Variants in FDX1 observed in about 807,000 individuals in gnomAD.
FDX1 encodes the protein adrenodoxin, mitochondrial.
A neutral mutation model predicts 14.9 loss-of-function variants in FDX1; 9 were observed. The ratio of observed to expected loss-of-function variants is 0.60; its 90% CI spans 0.36 to 1.05. The LOEUF is 1.05. FDX1 is among the 50% of genes least tolerant of loss of function. The pLI, the probability that FDX1 is intolerant of heterozygous loss-of-function variation, is 0.01. For synonymous variants in FDX1, 92 were observed against 99.4 expected (o/e 0.93, Z 0.44); for missense variants, 204 against 237.2 (o/e 0.86, Z 0.92).
At chr11:110,452,418 T>G (rs1287517387) in intron 2 of FDX1, among the ~76,000 whole-genome samples, 1 of 151,768 alleles carries the variant, frequency 6.6e-6, no homozygotes, top group East Asian at 1.9e-4. Context: ...ATTAAAAAAA[T>G]GGGCAAAAGA....
chr11:110,440,897 G>C (rs1186903243), intron 2 of FDX1, among the ~76,000 whole-genome samples: 2 of 152,188 alleles, frequency 1.3e-5, no homozygotes, highest in Non-Finnish European at 2.9e-5. Flanking sequence ...CAATACTGGT[G>C]GTCTGGCTGT....
intron 2 of FDX1, among the ~76,000 whole-genome samples, chr11:110,453,290 A>G (rs1946498274): frequency 6.6e-6 from 1 of 152,162 alleles, no homozygotes; most frequent in Non-Finnish European, 1.5e-5. Flanking sequence ...GTGAGCCGAG[A>G]TCGCACCATT....
intron 2 of FDX1, among the ~76,000 whole-genome samples, chr11:110,445,776 A>G (rs943918265): frequency 6.6e-6 from 1 of 152,320 alleles, no homozygotes; most frequent in African/African-American, 2.4e-5. Context: ...TAATATTAAT[A>G]TCTACCTCAT....
intron 2 of FDX1, among the ~76,000 whole-genome samples, chr11:110,444,239 AAGGT>A: frequency 6.6e-6 from 1 of 152,094 alleles, no homozygotes; most frequent in East Asian, 1.9e-4. Context: ...TGTATGGTGA[AAGGT>A]AGGGAGTCCA....
intron 1 of FDX1, among the ~76,000 whole-genome samples, chr11:110,433,849 G>A (rs1287684367): frequency 6.6e-6 from 1 of 152,112 alleles, no homozygotes; most frequent in Non-Finnish European, 1.5e-5. Context: ...TGCCTCATTT[G>A]TGAAATGGGA....
At position 110,430,036 on chromosome 11, in the gene FDX1, G is replaced by C. The variant is rs1213892340; in HGVS notation, c.-85G>C. On this transcript the variant is annotated 5_prime_UTR_variant, in exon 1 of 4. Transcript: ENST00000260270. ...GCCGCGGCCCTCGGGCGTCTGCGCC[G>C]CAGCTGCCGCCCCCGCCTCTTTGGA... The C allele has an allele frequency of 9.8e-7, 1 of 1,019,280 alleles. No individual in the cohort carries two copies. The highest frequency in any genetic ancestry group is 5.0e-5 in the South Asian group (1 of 20,148). 63.1% of individuals were successfully genotyped at this position (1,019,280 alleles called of 1,614,324 possible).
chr11:110,436,037 A>G (rs771424853), intron 2 of FDX1, 79 bp downstream of exon 2: 4 of 1,110,966 alleles, frequency 3.6e-6, no homozygotes, highest in Non-Finnish European at 5.3e-6. Flanking sequence ...TTTTTTTTTG[A>G]AGAAGTTTAA....
At position 110,435,965 on chromosome 11, in the gene FDX1, A is replaced by G. The variant is rs771019824; in HGVS notation, c.310+7A>G. ...CTAGATATTGATGGCTTTGGTGAGT[A>G]TGAAACATTTCTTAAAATGCATAAG... is the stretch of plus-strand genomic sequence containing the variant. On this transcript the variant is annotated splice_region_variant and intron_variant, in intron 2 of 3. Coordinates refer to ENST00000260270, the MANE Select transcript of FDX1 (RefSeq NM_004109.5). 6.3e-6 allele frequency: 10 copies of G among 1,598,558 alleles called. No individual in the cohort carries two copies. Among genetic ancestry groups the G allele is most frequent in the Non-Finnish European group, 8.5e-6 (10 of 1,175,610 alleles).
chr11:110,454,439 A>AATGTATAAGT (rs1372928928), intron 2 of FDX1, among the ~76,000 whole-genome samples: 21 of 152,274 alleles, frequency 1.4e-4, no homozygotes, highest in East Asian at 1.9e-4. Flanking sequence ...ATCTCCATTT[A>AATGTATAAGT]ATGTATAAGT....
At chr11:110,431,520 C>T (rs1434227996) in intron 1 of FDX1, among the ~76,000 whole-genome samples, 2 of 152,128 alleles carry the variant, frequency 1.3e-5, no homozygotes, top group Non-Finnish European at 2.9e-5. Context: ...GTTGTGTGAA[C>T]TTTGGGGGAA....
At chr11:110,461,557 C>CAA (rs57962982) in intron 3 of FDX1, among the ~76,000 whole-genome samples, 4,192 of 136,778 alleles carry the variant, frequency 0.031, 100 homozygotes, top group African/African-American at 0.066. Context: ...AGTAATTCTG[C>CAA]AAAAAAAAAA....
In FDX1 at chr11:110,462,747, A is replaced by G. The variant is rs1391318146; in HGVS notation, c.*279A>G. Reference sequence around the variant, plus strand: ...CTTATGTTTGTTTAGCGACTTTAGCAAAATGTTTTCATATAATCTCATCTG... The same window carrying G: ...CTTATGTTTGTTTAGCGACTTTAGCGAAATGTTTTCATATAATCTCATCTG... On this transcript the variant is annotated 3_prime_UTR_variant, in exon 4 of 4. Coordinates refer to ENST00000260270, the MANE Select transcript of FDX1 (RefSeq NM_004109.5). 4.2e-6 allele frequency: 1 copy of G among 240,762 alleles called. No homozygotes were observed. Among genetic ancestry groups the G allele is most frequent in the East Asian group, 9.0e-5 (1 of 11,128 alleles). The allele number at this position is 240,762 out of a possible 1,614,324, so 14.9% of individuals were successfully genotyped here.
Position 110,463,670 on chromosome 11 carries a change from A to G in FDX1, c.*1202A>G, listed in dbSNP as rs1469961777. 6.6e-6 allele frequency: 1 copy of G among 152,210 alleles called. No homozygotes were observed. The highest frequency in any genetic ancestry group is 1.5e-5 in the Non-Finnish European group (1 of 68,048). The allele number at this position is 152,210 out of a possible 1,614,324, so 9.4% of individuals were successfully genotyped here. A position where few individuals can be genotyped will look rare whatever the true frequency, so the allele number is the denominator to read the frequency against. On this transcript the variant is annotated 3_prime_UTR_variant, in exon 4 of 4. Transcript: ENST00000260270. ...ATATTTGTCTAGTACAATGCTTGAC[A>G]TACAGCATTGTGTTATGCCCATTGG...
intron 1 of FDX1, among the ~76,000 whole-genome samples, chr11:110,430,823 C>T (rs376553255): frequency 6.6e-6 from 1 of 152,190 alleles, no homozygotes; most frequent in African/African-American, 2.4e-5. Context: ...TACACCCAGC[C>T]CATACCCTCT....
intron 2 of FDX1, among the ~76,000 whole-genome samples, chr11:110,453,522 C>T (rs1383958736): frequency 1.4e-5 from 2 of 146,452 alleles, no homozygotes; most frequent in Admixed American, 6.7e-5. Context: ...GTTTTAGGCT[C>T]TTTTTTATAC....
At position 110,464,084 on chromosome 11, in the gene FDX1, T is replaced by G. The variant is rs1361041757; in HGVS notation, c.*1616T>G. ...CGGACCACCACGCCTGGCTAATTTT[T>G]GTATTTTTTCTAGGGACAGGGTTTT... On this transcript the variant is annotated 3_prime_UTR_variant, in exon 4 of 4. Transcript: ENST00000260270. 1 of 151,980 alleles carries G rather than the reference T, an allele frequency of 6.6e-6. No individual in the cohort carries two copies. Among genetic ancestry groups the G allele is most frequent in the Non-Finnish European group, 1.5e-5 (1 of 67,998 alleles). The allele number at this position is 151,980 out of a possible 1,614,324, so 9.4% of individuals were successfully genotyped here. A position where few individuals can be genotyped will look rare whatever the true frequency, so the allele number is the denominator to read the frequency against.
intron 2 of FDX1, among the ~76,000 whole-genome samples, chr11:110,454,599 T>C (rs1474908533): frequency 1.3e-5 from 2 of 152,230 alleles, no homozygotes; most frequent in Non-Finnish European, 2.9e-5. Context: ...TTAATTCCTC[T>C]TATGTTTACA....
At chr11:110,444,708 A>ATATATATATATATACGTG (rs1946434681) in intron 2 of FDX1, among the ~76,000 whole-genome samples, 1 of 46,648 alleles carries the variant, frequency 2.1e-5, no homozygotes, top group East Asian at 7.9e-4. Flanking sequence ...ATATATACGT[A>ATATATATATATATACGTG]TATATATATA....
intron 2 of FDX1, among the ~76,000 whole-genome samples, chr11:110,447,273 CAAAAA>C (rs541827807): frequency 1.1e-3 from 81 of 75,748 alleles, no homozygotes; most frequent in Non-Finnish European, 1.5e-3. Context: ...ACTAAAAATA[CAAAAA>C]AAAAAAAAAA....
Sources: allele counts gnomAD v4.1 joint callset (sites outside exome capture counted in the v4.1 genomes callset), GRCh38; gene constraint gnomAD v4.1.1; transcripts MANE v1.5; gene names NCBI Gene and HGNC (gene_info 2026-07-23, HGNC 2026-07-21).